The following SLTM variants were observed in gnomAD, a reference collection of about 807,000 sequenced individuals.
SLTM encodes SAFB-like transcription modulator.
Under a neutral mutation model 134.6 loss-of-function variants are expected in SLTM, and 43 were observed. The observed-to-expected ratio is 0.32, with a 90% CI of 0.25 to 0.41. SLTM has a LOEUF of 0.41. SLTM is among the 10% of genes least tolerant of loss of function. The probability of loss-of-function intolerance (pLI) is 1.00; values close to 1 mark genes in which losing one functional copy is unlikely to be tolerated. For synonymous variants in SLTM, 424 were observed against 432.3 expected, an observed-to-expected ratio of 0.98 and a Z score of 0.24; for missense variants, 1,055 against 1,288.8, an observed-to-expected ratio of 0.82 and a Z score of 2.78.
At position 58,888,401 on chromosome 15, in the gene SLTM, A is replaced by G; in HGVS notation, c.2359T>C (p.Ser787Pro). 6 of 1,604,784 alleles carry G rather than the reference A, an allele frequency of 3.7e-6. No individual in the cohort carries two copies. The highest frequency in any genetic ancestry group is 5.1e-6 in the Non-Finnish European group (6 of 1,177,500). The part of the protein sequence containing the change: ...GRFPESSAVQ[S>P]SSFERRDRFV... ...CATATCTACCTTTCAAAAGATGAAG[A>G]CTGTACTGCTGAACTCTCAGGAAAC... Residue 787 changes from serine to proline, a missense_variant, in exon 17 of 21, where the codon TCT (serine) becomes CCT (proline). Ser to Pro is a moderately conservative substitution (Grantham distance 74). Around this residue, in one of 3 missense-constraint regions of SLTM, gnomAD observed 776 missense variants for 962.2 expected, o/e 0.81. Transcript: ENST00000380516.
chr15:58,888,348 C>T (rs2034391787), intron 17 of SLTM, 37 bp downstream of exon 17: 1 of 1,529,926 alleles, frequency 6.5e-7, no homozygotes, highest in Non-Finnish European at 8.8e-7. Flanking sequence ...ACTAGCAAGG[C>T]TCATAAAATA....
Position 58,879,933 on chromosome 15 carries a change from G to A in SLTM, c.*66C>T. 2.6e-6 allele frequency: 4 copies of A among 1,567,976 alleles called. No homozygotes were observed. Among genetic ancestry groups the A allele is most frequent in the Non-Finnish European group, 3.5e-6 (4 of 1,153,526 alleles). ...AGCAAGTCAGAGGTCCTCTTCATAAGTAGTCAAGTAAAGTTTACAGGAGAT... is the reference window on the plus strand; with the variant it reads ...AGCAAGTCAGAGGTCCTCTTCATAAATAGTCAAGTAAAGTTTACAGGAGAT... On this transcript the variant is annotated 3_prime_UTR_variant, in exon 21 of 21. Transcript: ENST00000380516.
intron 5 of SLTM, among the ~76,000 whole-genome samples, chr15:58,903,585 C>T (rs1415695335): frequency 6.6e-6 from 1 of 151,694 alleles, no homozygotes; most frequent in Non-Finnish European, 1.5e-5. Flanking sequence ...ATACCTGACG[C>T]TAAATGATGA....
rs201944272 is a variant in SLTM, at chr15:58,933,595, C to T, written c.-30G>A. ...GAAGAGCAGCGCGCTGCCGAGGCAG[C>T]GAGTGGGCTGCAGGGCGGCGGCAGC... On this transcript the variant is annotated 5_prime_UTR_variant, in exon 1 of 21. Coordinates refer to ENST00000380516, the MANE Select transcript of SLTM (RefSeq NM_024755.4). 1.2e-4 allele frequency: 193 copies of T among 1,547,426 alleles called. No homozygotes were observed. The African/African-American group carries it at 2.5e-3, about 20-fold the overall frequency.
chr15:58,887,468 G>A lies in SLTM; in HGVS notation c.2448C>T (p.Phe816=), dbSNP rs148004381. The A allele has an allele frequency of 6.8e-5, 109 of 1,614,016 alleles. 1 individual carries two copies. The African/African-American group carries it at 1.2e-3, about 17-fold the overall frequency. Reference sequence around the variant, plus strand: ...CACTGAAATTTTTGGGATATCTTTCGAAGCTTGGATCTTCCCTTCGTGCAG... The same window carrying A: ...CACTGAAATTTTTGGGATATCTTTCAAAGCTTGGATCTTCCCTTCGTGCAG... ...RPTARREDPS[F]ERYPKNFSDS... The change falls in exon 18 of 21, where the codon TTC becomes TTT. Residue 816 remains phenylalanine, a synonymous_variant. Coordinates refer to ENST00000380516, the MANE Select transcript of SLTM (RefSeq NM_024755.4).
chr15:58,910,680 T>G (rs2036204866), intron 5 of SLTM, among the ~76,000 whole-genome samples: 1 of 152,040 alleles, frequency 6.6e-6, no homozygotes, highest in African/African-American at 2.4e-5. Flanking sequence ...CTTCCCCTTT[T>G]TGCAAATCAG....
At chr15:58,902,388 T>TG (rs1340813953) in intron 5 of SLTM, among the ~76,000 whole-genome samples, 18 of 32,150 alleles carry the variant, frequency 5.6e-4, no homozygotes, top group Non-Finnish European at 1.0e-3. Context: ...ATGTTTTGAT[T>TG]GTTTTTTTTT....
At position 58,928,202 on chromosome 15, in the gene SLTM, G is replaced by C. The variant is rs1272495309; in HGVS notation, c.250+4154C>G. On this transcript the variant is annotated intron_variant, in intron 2 of 20. Coordinates refer to ENST00000380516, the MANE Select transcript of SLTM (RefSeq NM_024755.4). ...ACATCACTTTTGCTGAAGTTAATTG[G>C]TGACTTTAAAGGTTGAAATTTTAAA... Among the ~76,000 whole-genome samples the C allele has an allele frequency of 3.3e-5, 5 of 152,102 alleles. No individual in the cohort carries two copies. The East Asian group carries it at 9.6e-4, about 29-fold the overall frequency.
intron 14 of SLTM, among the ~76,000 whole-genome samples, chr15:58,892,559 G>A (rs1360028341): frequency 1.3e-5 from 2 of 152,136 alleles, no homozygotes; most frequent in Non-Finnish European, 2.9e-5. Flanking sequence ...CATTGGACTT[G>A]GAGTCAGAAG....
At chr15:58,888,674 A>C in intron 16 of SLTM, 119 bp from the exon 17 acceptor site, 1 of 857,800 alleles carries the variant, frequency 1.2e-6, no homozygotes, top group Non-Finnish European at 1.8e-6. Flanking sequence ...TAGTAAACTC[A>C]AGACATAACA....
chr15:58,921,623 A>T, intron 2 of SLTM: 1 of 429,458 alleles, frequency 2.3e-6, no homozygotes, highest in African/African-American at 2.0e-5. Flanking sequence ...AACAGTGATG[A>T]AACTGGAGTA....
At position 58,894,377 on chromosome 15, in the gene SLTM, G is replaced by T. The variant is rs528789985; in HGVS notation, c.1377+56C>A. The stretch of plus-strand genomic sequence containing the variant: ...TCCCTGCTACTGTTAACAGCTATGA[G>T]TTGAGAACTAGCCATCAAATTAGAC... On this transcript the variant is annotated intron_variant, in intron 10 of 20. Coordinates refer to ENST00000380516, the MANE Select transcript of SLTM (RefSeq NM_024755.4). 2.1e-5 allele frequency: 33 copies of T among 1,598,252 alleles called. No individual in the cohort carries two copies. In the African/African-American group the frequency reaches 3.1e-4, roughly 15 times the overall value.
At chr15:58,909,084 G>A (rs1656200648) in intron 5 of SLTM, among the ~76,000 whole-genome samples, 1 of 152,160 alleles carries the variant, frequency 6.6e-6, no homozygotes, top group Admixed American at 6.5e-5. Flanking sequence ...CACCTAGATT[G>A]TTGTCTTGAA....
At position 58,890,304 on chromosome 15, in the gene SLTM, T is replaced by C. The variant is rs750822046; in HGVS notation, c.2056A>G (p.Arg686Gly). ...RERMERERLE[R>G]ERIRIEQERR... ...ACCTGTTCAATACGAATGCGTTCCC[T>C]TTCCAAGCGTTCGCGTTCCATTCTC... is the stretch of plus-strand genomic sequence containing the variant. Residue 686 changes from arginine to glycine, a missense_variant, in exon 15 of 21, where the codon AGG (arginine) becomes GGG (glycine). Physicochemically the swap from Arg to Gly is moderately radical, Grantham distance 125. Coordinates refer to ENST00000380516, the MANE Select transcript of SLTM (RefSeq NM_024755.4). 4.3e-6 allele frequency: 7 copies of C among 1,614,010 alleles called. No individual in the cohort carries two copies. Among genetic ancestry groups the C allele is most frequent in the South Asian group, 3.3e-5 (3 of 91,074 alleles).
rs926616283 is a variant in SLTM, at chr15:58,882,897, C to T, written c.2996+729G>A. 4.6e-5 allele frequency among the ~76,000 whole-genome samples: 7 copies of T among 152,210 alleles called. No homozygotes were observed. The East Asian group carries it at 1.3e-3, about 29-fold the overall frequency. On this transcript the variant is annotated intron_variant, in intron 20 of 20. Coordinates refer to ENST00000380516, the MANE Select transcript of SLTM (RefSeq NM_024755.4). The stretch of plus-strand genomic sequence containing the variant: ...TATGAAGAGATTTTGTGTTAAATGT[C>T]TAAAAGCCTTCCCAAGAGTTATTTT...
At chr15:58,921,983 C>G (rs2037082153) in intron 2 of SLTM, among the ~76,000 whole-genome samples, 1 of 152,012 alleles carries the variant, frequency 6.6e-6, no homozygotes, top group South Asian at 2.1e-4. Context: ...GCATGTTGAC[C>G]AGGCTAGTCT....
chr15:58,905,819 G>A (rs1459547050), intron 5 of SLTM, among the ~76,000 whole-genome samples: 1 of 151,764 alleles, frequency 6.6e-6, no homozygotes, highest in Non-Finnish European at 1.5e-5. Flanking sequence ...AACTAGTAAG[G>A]TTTGTCTTAC....
At chr15:58,912,772 T>A in intron 4 of SLTM, 162 bp from the exon 5 acceptor site, 1 of 568,868 alleles carries the variant, frequency 1.8e-6, no homozygotes, top group African/African-American at 1.9e-5. Context: ...ATATTTTTTA[T>A]GCCAAAAAAA....
Position 58,933,401 on chromosome 15 carries a change from C to T in SLTM, c.162+3G>A. 2.5e-6 allele frequency: 4 copies of T among 1,577,726 alleles called. No individual in the cohort carries two copies. Among genetic ancestry groups the T allele is most frequent in the Non-Finnish European group, 2.6e-6 (3 of 1,162,220 alleles). ...GTCCTTTCCGGTCCTCGCCGGGCCT[C>T]ACCTGCTTGAGTCGGGAGATGAGCA... On this transcript the variant is annotated splice_donor_region_variant and intron_variant, in intron 1 of 20. Transcript: ENST00000380516.
Sources: allele counts gnomAD v4.1 joint callset (sites outside exome capture counted in the v4.1 genomes callset), GRCh38; gene constraint gnomAD v4.1.1; regional missense constraint gnomAD v4.1.1; transcripts MANE v1.5; gene names NCBI Gene and HGNC (gene_info 2026-07-23, HGNC 2026-07-21).